The following LTN1 variants were observed in gnomAD, a reference collection of about 807,000 sequenced individuals.
The protein encoded by LTN1 is E3 ubiquitin-protein ligase listerin.
A neutral mutation model predicts 201.2 loss-of-function variants in LTN1; 88 were observed. The ratio of observed to expected loss-of-function variants is 0.44; its 90% CI spans 0.37 to 0.52. The LOEUF (loss-of-function observed/expected upper bound fraction) is 0.52. Among genes scored for constraint, LTN1 ranks in the 20% least tolerant of loss-of-function variants. The pLI, the probability that LTN1 is intolerant of heterozygous loss-of-function variation, is 0.00. For missense variants in LTN1, 1,752 were observed against 2,038.7 expected (o/e 0.86, Z 2.71); for synonymous variants, 645 against 713.5 (o/e 0.90, Z 1.53).
chr21:28,947,120 A>G (rs1354412307), intron 19 of LTN1, among the ~76,000 whole-genome samples: 3 of 152,246 alleles, frequency 2.0e-5, no homozygotes, highest in African/African-American at 4.8e-5. Context: ...AAATTAATAA[A>G]CAAATGAAAA....
Position 28,986,210 on chromosome 21 carries a change from T to C in LTN1, c.274A>G (p.Thr92Ala), listed in dbSNP as rs539156079. 1.2e-6 allele frequency: 2 copies of C among 1,612,398 alleles called. No individual in the cohort carries two copies. Among genetic ancestry groups the C allele is most frequent in the East Asian group, 4.5e-5 (2 of 44,826 alleles). The change falls in exon 3 of 30, where the codon ACA (threonine) becomes GCA (alanine). Residue 92 changes from threonine to alanine, a missense_variant. Thr to Ala is a moderately conservative substitution (Grantham distance 58). Coordinates refer to ENST00000361371, the MANE Select transcript of LTN1 (RefSeq NM_015565.3). This position sits in a 1 kb window ranked among gnomAD's most constrained non-coding sequence, Gnocchi z 4.1. The stretch of plus-strand genomic sequence containing the variant: ...TTCACAGTTTCTGTGTCTCTCTCTG[T>C]ACACATGGTTCCAAATTCCTGCATA... ...KAMQEFGTMC[T>A]ERDTETVKGV...
At position 28,992,830 on chromosome 21, in the gene LTN1, A is replaced by C; in HGVS notation, c.-25T>G. On this transcript the variant is annotated 5_prime_UTR_variant, in exon 1 of 30. Transcript: ENST00000361371. ...TGGTCGCGGTTGCAGCTGTACTCTG[A>C]GCACTCAGACCCCGGTTGACACGTC... 6.2e-7 allele frequency: 1 copy of C among 1,614,130 alleles called. No individual in the cohort carries two copies. The highest frequency in any genetic ancestry group is 8.5e-7 in the Non-Finnish European group (1 of 1,180,016).
chr21:28,959,227 G>A (rs1006843531), intron 13 of LTN1, among the ~76,000 whole-genome samples: 3 of 152,122 alleles, frequency 2.0e-5, no homozygotes, highest in African/African-American at 7.2e-5. Context: ...ATCAATTATG[G>A]CTCATTCCAA....
At position 28,951,448 on chromosome 21, in the gene LTN1, A is replaced by G. The variant is rs1006238068; in HGVS notation, c.3344+712T>C. The stretch of plus-strand genomic sequence containing the variant: ...CACATTTGTTACATTTCTAGAATAT[A>G]TTTCAATAGGATGATGTTATTTAAG... On this transcript the variant is annotated intron_variant, in intron 18 of 29. Transcript: ENST00000361371. Among the ~76,000 whole-genome samples, 6 of 152,192 alleles carry G rather than the reference A, an allele frequency of 3.9e-5. 1 individual carries two copies. Among genetic ancestry groups the G allele is most frequent in the Admixed American group, 2.0e-4 (3 of 15,282 alleles).
chr21:28,984,995 T>C, intron 3 of LTN1, 73 bp from the exon 4 acceptor site: 1 of 1,000,360 alleles, frequency 1.0e-6, no homozygotes, highest in Non-Finnish European at 1.5e-6. Flanking sequence ...CCGGATATGC[T>C]ATAATGACCC....
chr21:28,944,646 C>G (rs902597214), intron 21 of LTN1, 50 bp from the exon 22 acceptor site: 5 of 1,305,620 alleles, frequency 3.8e-6, no homozygotes, highest in Non-Finnish European at 4.3e-6. Flanking sequence ...TACCAGAACA[C>G]TACAAATAAA....
At chr21:28,965,819 T>C (rs748881931) in intron 11 of LTN1, 46 bp downstream of exon 11, 2 of 1,070,944 alleles carry the variant, frequency 1.9e-6, no homozygotes, top group East Asian at 2.6e-5. Flanking sequence ...AATATTTCTA[T>C]TCCCATAAAT....
chr21:28,947,244 T>C (rs1226189822), intron 19 of LTN1, among the ~76,000 whole-genome samples: 1 of 152,114 alleles, frequency 6.6e-6, no homozygotes, highest in East Asian at 1.9e-4. Context: ...AAAGAAATGG[T>C]TAGAAGGTAT....
At position 28,982,164 on chromosome 21, in the gene LTN1, C is replaced by G. The variant is rs542172178; in HGVS notation, c.629+152G>C. ...CCCAGAAGCTGGAGGTTGCAGTGAG[C>G]TGAGACTGCGCCACTGCAATCCAGC... On this transcript the variant is annotated intron_variant, in intron 5 of 29. Coordinates refer to ENST00000361371, the MANE Select transcript of LTN1 (RefSeq NM_015565.3). 56 of 610,422 alleles carry G rather than the reference C, an allele frequency of 9.2e-5. No individual in the cohort carries two copies. In the African/African-American group the frequency reaches 9.5e-4, roughly 10 times the overall value. The allele number at this position is 610,422 out of a possible 1,614,324, so 37.8% of individuals were successfully genotyped here.
At chr21:28,991,951 A>G (rs914970349) in intron 1 of LTN1, among the ~76,000 whole-genome samples, 1 of 152,282 alleles carries the variant, frequency 6.6e-6, no homozygotes, top group Non-Finnish European at 1.5e-5. Flanking sequence ...GTCGTCCTTA[A>G]GCAAGTACTT....
chr21:28,960,684 T>G lies in LTN1; in HGVS notation c.2186A>C (p.His729Pro). 1 of 1,613,778 alleles carries G rather than the reference T, an allele frequency of 6.2e-7. No homozygotes were observed. The highest frequency in any genetic ancestry group is 8.5e-7 in the Non-Finnish European group (1 of 1,179,812). Reference sequence around the variant, plus strand: ...TTTGAGCCAAGGAGTTACTAAAGCATGTTTATCTGAACTAGGACATGCCTA... The same window carrying G: ...TTTGAGCCAAGGAGTTACTAAAGCAGGTTTATCTGAACTAGGACATGCCTA... ...IEKACPSSDKHALVTPWLKGD... is the reference protein window; with the variant it reads ...IEKACPSSDKPALVTPWLKGD... Residue 729 changes from histidine to proline, a missense_variant, in exon 12 of 30, where the codon CAT becomes CCT. Coordinates refer to ENST00000361371, the MANE Select transcript of LTN1 (RefSeq NM_015565.3).
At chr21:28,959,004 T>C (rs1267545688) in intron 13 of LTN1, among the ~76,000 whole-genome samples, 1 of 152,166 alleles carries the variant, frequency 6.6e-6, no homozygotes, top group Non-Finnish European at 1.5e-5. Context: ...TATTTTTTTA[T>C]GTTCCTTTCA....
chr21:28,964,648 G>A (rs1386210225), intron 11 of LTN1: 2 of 1,550,278 alleles, frequency 1.3e-6, no homozygotes, highest in Non-Finnish European at 1.7e-6. Context: ...AGATGAGGAG[G>A]CTAGTGAGTC....
chr21:28,937,585 G>A (rs530969053), intron 25 of LTN1, among the ~76,000 whole-genome samples: 3 of 152,122 alleles, frequency 2.0e-5, no homozygotes, highest in African/African-American at 7.2e-5. Flanking sequence ...ATAGGATTTG[G>A]AATTGATTTT....
At chr21:28,960,475 G>T in intron 12 of LTN1, 42 bp downstream of exon 12, 1 of 1,487,246 alleles carries the variant, frequency 6.7e-7, no homozygotes, top group Non-Finnish European at 9.3e-7. Flanking sequence ...AAGGAGAAAT[G>T]GACTATTCCC....
At chr21:28,969,216 T>C (rs1170223084) in intron 9 of LTN1, among the ~76,000 whole-genome samples, 1 of 146,280 alleles carries the variant, frequency 6.8e-6, no homozygotes, top group Non-Finnish European at 1.5e-5. Context: ...GAGCGAAACT[T>C]TGTCTCAAAA....
In LTN1 at chr21:28,986,497, A is replaced by T; in HGVS notation, c.246+234T>A. On this transcript the variant is annotated intron_variant, in intron 2 of 29. Transcript: ENST00000361371. This position sits in a 1 kb window ranked among gnomAD's most constrained non-coding sequence, Gnocchi z 4.1. ...GTCAAAGTTACATTCCCTAATGGGA[A>T]AAACTATACAGCCAAAATTCCAAAG... 1 of 658,764 alleles carries T rather than the reference A, an allele frequency of 1.5e-6. No homozygotes were observed. Among genetic ancestry groups the T allele is most frequent in the Non-Finnish European group, 2.7e-6 (1 of 373,738 alleles). The allele number at this position is 658,764 out of a possible 1,614,324, so 40.8% of individuals were successfully genotyped here.
chr21:28,930,252 T>G lies in LTN1; in HGVS notation c.*196A>C, dbSNP rs536256451. Reference sequence around the variant, plus strand: ...TAATATTCTTTTGTAAAAGAAAGTTTCCAAACATTTACAAAGCAATCTAAA... The same window carrying G: ...TAATATTCTTTTGTAAAAGAAAGTTGCCAAACATTTACAAAGCAATCTAAA... On this transcript the variant is annotated 3_prime_UTR_variant, in exon 30 of 30. Transcript: ENST00000361371. 43 of 406,106 alleles carry G rather than the reference T, an allele frequency of 1.1e-4. No individual in the cohort carries two copies. The highest frequency in any genetic ancestry group is 7.2e-4 in the African/African-American group (35 of 48,666). The allele number at this position is 406,106 out of a possible 1,614,324, so 25.2% of individuals were successfully genotyped here.
chr21:28,984,339 G>GTATA (rs148605029), intron 4 of LTN1, among the ~76,000 whole-genome samples: 9 of 149,614 alleles, frequency 6.0e-5, no homozygotes, highest in African/African-American at 2.2e-4. Flanking sequence ...AGTTAGATCT[G>GTATA]TATATATATA....
Sources: gnomAD v4.1 joint callset for allele counts (sites outside exome capture counted in the v4.1 genomes callset) on GRCh38, gnomAD v4.1.1 for gene constraint, Gnocchi (gnomAD v3.1) non-coding constraint, MANE v1.5 for transcripts, NCBI Gene and HGNC (gene_info 2026-07-23, HGNC 2026-07-21) for gene names.